The following MSH3 variants were observed in gnomAD, a reference collection of about 807,000 sequenced individuals.
MSH3 encodes mutS homolog 3.
Under a neutral mutation model 123.3 loss-of-function variants are expected in MSH3, and 106 were observed. The observed-to-expected ratio is 0.86, with a 90% CI of 0.73 to 1.01. MSH3 has a LOEUF of 1.01. Ranked by LOEUF, MSH3 falls within the 50% of genes least tolerant of loss-of-function variation. The pLI, the probability that MSH3 is intolerant of heterozygous loss-of-function variation, is 0.00. For synonymous variants in MSH3, 515 were observed against 481.4 expected (o/e 1.07, Z -0.91); for missense variants, 1,459 against 1,347.6 (o/e 1.08, Z -1.29).
Position 80,725,477 on chromosome 5 carries a change from C to A in MSH3, c.1365C>A (p.Val455=), listed in dbSNP as rs771995449. ...SVSVQDDRIR[V]ERMDNIYFEY... ...GTGTGCAGGATGACAGAATTCGAGT[C>A]GAAAGGATGGATAACATTTATTTTG... Residue 455 remains valine (V), a synonymous_variant, in exon 9 of 24, where the codon GTC becomes GTA. Transcript: ENST00000265081. 6.2e-7 allele frequency: 1 copy of A among 1,613,178 alleles called. No homozygotes were observed. Among genetic ancestry groups the A allele is most frequent in the South Asian group, 1.1e-5 (1 of 91,014 alleles).
At chr5:80,768,366 G>A (rs932600618) in intron 14 of MSH3, among the ~76,000 whole-genome samples, 1 of 152,048 alleles carries the variant, frequency 6.6e-6, no homozygotes, top group Non-Finnish European at 1.5e-5. Flanking sequence ...ATGATGGAAA[G>A]GTAAAACACA....
intron 13 of MSH3, among the ~76,000 whole-genome samples, chr5:80,766,960 C>A (rs1020971907): frequency 2.0e-5 from 3 of 151,710 alleles, no homozygotes; most frequent in African/African-American, 7.3e-5. Context: ...GAAAGTGTTA[C>A]CATGTAAATA....
intron 10 of MSH3, among the ~76,000 whole-genome samples, chr5:80,739,993 T>A (rs773209865): frequency 6.6e-6 from 1 of 152,236 alleles, no homozygotes. Context: ...CAAACACTTA[T>A]GCCTTTCTTT....
At chr5:80,758,956 G>A (rs1180708774) in intron 12 of MSH3, among the ~76,000 whole-genome samples, 1 of 152,186 alleles carries the variant, frequency 6.6e-6, no homozygotes, top group African/African-American at 2.4e-5. Flanking sequence ...TTATGCAGGA[G>A]TGAGTTATTA....
intron 8 of MSH3, among the ~76,000 whole-genome samples, chr5:80,680,276 AAATC>A (rs991679595): frequency 6.6e-6 from 1 of 152,056 alleles, no homozygotes; most frequent in Non-Finnish European, 1.5e-5. Context: ...AAAAAAAAGA[AAATC>A]AAACTGATTG....
chr5:80,691,141 T>C lies in MSH3; in HGVS notation c.1340+12048T>C, dbSNP rs150364482. Among the ~76,000 whole-genome samples the C allele has an allele frequency of 3.3e-3, 495 of 152,152 alleles. 5 individuals carry two copies. The highest frequency in any genetic ancestry group is 0.011 in the African/African-American group (475 of 41,546). On this transcript the variant is annotated intron_variant, in intron 8 of 23. Transcript: ENST00000265081. Reference sequence around the variant, plus strand: ...ACTGAAAAGTAGTTAATATTTAGACTACGTATTTAAAATCCTAAAGCTGAC... The same window carrying C: ...ACTGAAAAGTAGTTAATATTTAGACCACGTATTTAAAATCCTAAAGCTGAC...
intron 12 of MSH3, among the ~76,000 whole-genome samples, chr5:80,744,894 G>A (rs1743687483): frequency 6.9e-6 from 1 of 145,592 alleles, no homozygotes; most frequent in Non-Finnish European, 1.6e-5. Flanking sequence ...CTAGACTGAG[G>A]AGTTGATAGC....
Position 80,768,961 on chromosome 5 carries a change from A to G in MSH3, c.2211A>G (p.Leu737=), listed in dbSNP as rs2112885252. Reference sequence around the variant, plus strand: ...ATTTGCAAGAAATACGAAAAATACTAAAAAATCCTTCTGCACAATATGTGA... The same window carrying G: ...ATTTGCAAGAAATACGAAAAATACTGAAAAATCCTTCTGCACAATATGTGA... The part of the protein sequence containing the change: ...RMHLQEIRKI[L]KNPSAQYVTV... Residue 737 remains leucine, a synonymous_variant, in exon 15 of 24, where the codon CTA becomes CTG. Coordinates refer to ENST00000265081, the MANE Select transcript of MSH3 (RefSeq NM_002439.5). The G allele has an allele frequency of 6.2e-7, 1 of 1,613,036 alleles. No individual in the cohort carries two copies. Among genetic ancestry groups the G allele is most frequent in the Admixed American group, 1.7e-5 (1 of 59,986 alleles).
chr5:80,684,505 G>GT (rs2112823144), intron 8 of MSH3, among the ~76,000 whole-genome samples: 1 of 152,134 alleles, frequency 6.6e-6, no homozygotes, highest in South Asian at 2.1e-4. Context: ...AATGCTGCTG[G>GT]TTTTTTGTAT....
At chr5:80,817,936 A>G (rs1745133811) in intron 20 of MSH3, among the ~76,000 whole-genome samples, 1 of 152,192 alleles carries the variant, frequency 6.6e-6, no homozygotes, top group Non-Finnish European at 1.5e-5. Context: ...ATAGTCGGGC[A>G]TGGTGGCTCA....
intron 2 of MSH3, among the ~76,000 whole-genome samples, chr5:80,660,591 A>G (rs745586730): frequency 3.2e-4 from 48 of 152,352 alleles, no homozygotes; most frequent in Non-Finnish European, 5.4e-4. Context: ...GAAAAGTCAT[A>G]TTTAGAAGAA....
At position 80,670,214 on chromosome 5, in the gene MSH3, G is replaced by T. The variant is rs756632960; in HGVS notation, c.697G>T (p.Glu233Ter). ...GTCCAAAAGCATCTATACGCCGCTAGAATTACAATACATAGAAATGAAGCA... is the reference window on the plus strand; with the variant it reads ...GTCCAAAAGCATCTATACGCCGCTATAATTACAATACATAGAAATGAAGCA... ...KRSKSIYTPL[E>*]LQYIEMKQQH... Residue 233 changes from glutamate to a stop codon, truncating the protein, a stop_gained, in exon 4 of 24, where the codon GAA becomes TAA. Transcript: ENST00000265081. LOFTEE classifies it high-confidence loss of function. 1.1e-5 allele frequency: 18 copies of T among 1,614,004 alleles called. No individual in the cohort carries two copies.
At chr5:80,730,569 C>T (rs917957430) in intron 10 of MSH3, among the ~76,000 whole-genome samples, 18 of 151,956 alleles carry the variant, frequency 1.2e-4, no homozygotes, top group African/African-American at 4.4e-4. Context: ...GGCATTATAC[C>T]CTCATTGGAT....
chr5:80,667,818 G>A (rs991690289), intron 3 of MSH3, among the ~76,000 whole-genome samples: 5 of 152,306 alleles, frequency 3.3e-5, no homozygotes, highest in Non-Finnish European at 7.3e-5. Context: ...GAGCCCCTAG[G>A]TCTGAGCTCC....
chr5:80,722,330 A>T (rs892013339), intron 8 of MSH3, among the ~76,000 whole-genome samples: 2 of 152,178 alleles, frequency 1.3e-5, no homozygotes, highest in African/African-American at 4.8e-5. Context: ...AATATTGAGA[A>T]ACTTTCTAAA....
At chr5:80,782,935 A>G (rs2112013586) in intron 17 of MSH3, among the ~76,000 whole-genome samples, 1 of 152,302 alleles carries the variant, frequency 6.6e-6, no homozygotes, top group Admixed American at 6.5e-5. Context: ...TTAAGGCTGT[A>G]GACACTGCTG....
chr5:80,721,573 G>A (rs1561455392), intron 8 of MSH3, among the ~76,000 whole-genome samples: 1 of 152,118 alleles, frequency 6.6e-6, no homozygotes, highest in Non-Finnish European at 1.5e-5. Context: ...TTCTCACATG[G>A]TTGCTGATAG....
intron 20 of MSH3, among the ~76,000 whole-genome samples, chr5:80,840,532 A>C: frequency 6.6e-6 from 1 of 151,692 alleles, no homozygotes; most frequent in Admixed American, 6.6e-5. Flanking sequence ...TCGTGCCTCA[A>C]CCTCCCGAGT....
intron 11 of MSH3, among the ~76,000 whole-genome samples, chr5:80,743,302 C>T (rs1016828267): frequency 1.3e-5 from 2 of 152,136 alleles, no homozygotes; most frequent in African/African-American, 2.4e-5. Flanking sequence ...GCCTGTCCAG[C>T]CATCCTCAGA....
Sources: allele counts gnomAD v4.1 joint callset (sites outside exome capture counted in the v4.1 genomes callset), GRCh38; gene constraint gnomAD v4.1.1; transcripts MANE v1.5; gene names NCBI Gene and HGNC (gene_info 2026-07-23, HGNC 2026-07-21).